EED: variants seen among roughly 807,000 people sequenced by gnomAD.
EED encodes the protein embryonic ectoderm development.
Under a neutral mutation model 61.0 loss-of-function variants are expected in EED, and 9 were observed. The ratio of observed to expected loss-of-function variants is 0.15; its 90% CI spans 0.09 to 0.26. The LOEUF (loss-of-function observed/expected upper bound fraction) is 0.26, where lower values mean the gene tolerates loss of function less well. Ranked by LOEUF, EED falls within the 10% of genes least tolerant of loss-of-function variation. The pLI is 1.00. For synonymous variants in EED, 187 were observed against 174.4 expected (o/e 1.07, Z -0.57); for missense variants, 315 against 542.3 (o/e 0.58, Z 4.16).
intron 6 of EED, among the ~76,000 whole-genome samples, chr11:86,260,519 G>GCAC (rs1945800867): frequency 6.6e-6 from 1 of 152,038 alleles, no homozygotes; most frequent in Non-Finnish European, 1.5e-5. Context: ...GTGAGCTACT[G>GCAC]CTGTACATTC....
At chr11:86,265,988 A>C in intron 7 of EED, 95 bp from the exon 8 acceptor site, 1 of 1,075,456 alleles carries the variant, frequency 9.3e-7, no homozygotes, top group Non-Finnish European at 1.3e-6. Flanking sequence ...TTGTGATTTG[A>C]AATACAGTTT....
chr11:86,264,239 G>A lies in EED; in HGVS notation c.702G>A (p.Gly234=), dbSNP rs1182179050. 2 of 1,613,858 alleles carry A rather than the reference G, an allele frequency of 1.2e-6. No homozygotes were observed. The highest frequency in any genetic ancestry group is 3.3e-5 in the Admixed American group (2 of 59,992). Residue 234 remains glycine, a synonymous_variant, in exon 7 of 12, where the codon GGG becomes GGA. Transcript: ENST00000263360. The part of the protein sequence containing the change: ...TLVAIFGGVE[G]HRDEVLSADY... ...TGGCAATATTTGGAGGCGTAGAAGG[G>A]CACAGAGATGAAGTTCTAAGTGCTG...
Position 86,278,403 on chromosome 11 carries a change from A to G in EED, c.1204A>G (p.Thr402Ala). Residue 402 changes from threonine to alanine, a missense_variant, in exon 12 of 12, where the codon ACA becomes GCA. Around this residue, in one of 2 missense-constraint regions of EED, gnomAD observed 205 missense variants for 455.4 expected, o/e 0.45. Coordinates refer to ENST00000263360, the MANE Select transcript of EED (RefSeq NM_003797.5). The part of the protein sequence containing the change: ...EVEDPHKAKC[T>A]TLTHHKCGAA... ...GTTGTCATGTTTTTTCCCTAGATGTACAACACTGACTCATCATAAATGTGG... is the reference window on the plus strand; with the variant it reads ...GTTGTCATGTTTTTTCCCTAGATGTGCAACACTGACTCATCATAAATGTGG... The G allele has an allele frequency of 6.2e-7, 1 of 1,612,916 alleles. No individual in the cohort carries two copies. Among genetic ancestry groups the G allele is most frequent in the Non-Finnish European group, 8.5e-7 (1 of 1,179,430 alleles).
At chr11:86,255,377 A>T (rs951888902) in intron 4 of EED, 90 bp downstream of exon 4, 2 of 1,048,684 alleles carry the variant, frequency 1.9e-6, no homozygotes, top group African/African-American at 3.2e-5. Flanking sequence ...TCATTTCCCT[A>T]AAGTTATTGT....
the EED span, among the ~76,000 whole-genome samples, chr11:86,285,173 A>C: frequency 6.6e-6 from 1 of 152,168 alleles, no homozygotes; most frequent in African/African-American, 2.4e-5. Context: ...TAATCGCAGC[A>C]CTTTGGGAGG....
intron 5 of EED, 69 bp from the exon 6 acceptor site, chr11:86,257,446 T>C: frequency 7.8e-7 from 1 of 1,278,302 alleles, no homozygotes; most frequent in Non-Finnish European, 1.1e-6. Context: ...TTACATTCTC[T>C]AAAGATTTAT....
At position 86,254,780 on chromosome 11, in the gene EED, G is replaced by A. The variant is rs182960442; in HGVS notation, c.361-442G>A. Among the ~76,000 whole-genome samples, 8 of 151,976 alleles carry A rather than the reference G, an allele frequency of 5.3e-5. No homozygotes were observed. In the East Asian group the frequency reaches 1.4e-3, roughly 26 times the overall value. On this transcript the variant is annotated intron_variant, in intron 3 of 11. Transcript: ENST00000263360. The stretch of plus-strand genomic sequence containing the variant: ...TGGGATTACGGGCATGTGCCACCAC[G>A]CTCAGCTAATTTTTGTATTTTTGGT...
At chr11:86,252,594 A>G (rs1945563497) in intron 3 of EED, among the ~76,000 whole-genome samples, 1 of 149,254 alleles carries the variant, frequency 6.7e-6, no homozygotes, top group Non-Finnish European at 1.5e-5. Context: ...ACTGGCTGTG[A>G]TTTTTTTAAA....
intron 2 of EED, among the ~76,000 whole-genome samples, chr11:86,251,898 G>A (rs193058580): frequency 2.6e-4 from 39 of 152,280 alleles, no homozygotes; most frequent in Admixed American, 6.5e-4. Flanking sequence ...TGTTTTCGTA[G>A]GTAAGCGGTT....
intron 4 of EED, among the ~76,000 whole-genome samples, chr11:86,255,500 A>C (rs7950820): frequency 0.35 from 53,597 of 152,076 alleles, 9,913 homozygotes; most frequent in Non-Finnish European, 0.41. Context: ...AAAGAAAAAG[A>C]AAAGAATCCA....
At position 86,250,452 on chromosome 11, in the gene EED, T is replaced by C. The variant is rs897446139; in HGVS notation, c.267+4T>C. On this transcript the variant is annotated splice_donor_region_variant and intron_variant, in intron 2 of 11. Transcript: ENST00000263360. ...CAAATGTGTAAATAGTCTCAAGGTATGTGCAAAAAAAGATCCTTTGGGCTG... is the reference window on the plus strand; with the variant it reads ...CAAATGTGTAAATAGTCTCAAGGTACGTGCAAAAAAAGATCCTTTGGGCTG... 7.0e-6 allele frequency: 11 copies of C among 1,569,382 alleles called. No homozygotes were observed. The highest frequency in any genetic ancestry group is 9.5e-6 in the Non-Finnish European group (11 of 1,160,774).
At chr11:86,287,458 T>G in the EED span, among the ~76,000 whole-genome samples, 1 of 152,244 alleles carries the variant, frequency 6.6e-6, no homozygotes, top group Non-Finnish European at 1.5e-5. Flanking sequence ...CAAGACTTCA[T>G]GTGAATGAAA....
intron 9 of EED, among the ~76,000 whole-genome samples, chr11:86,273,899 A>G (rs1245392116): frequency 2.0e-5 from 3 of 152,142 alleles, no homozygotes. Flanking sequence ...ATATGACTTG[A>G]TGTGGATTTC....
chr11:86,253,231 A>G (rs1161845517), intron 3 of EED, among the ~76,000 whole-genome samples: 1 of 152,206 alleles, frequency 6.6e-6, no homozygotes, highest in East Asian at 1.9e-4. Context: ...TAGTCTGCTT[A>G]TAGTTGTTTA....
At chr11:86,259,470 C>T (rs1945771130) in intron 6 of EED, among the ~76,000 whole-genome samples, 1 of 151,990 alleles carries the variant, frequency 6.6e-6, no homozygotes, top group South Asian at 2.1e-4. Context: ...TGCCGCCATA[C>T]CTGGCTAATT....
downstream of EED, among the ~76,000 whole-genome samples, chr11:86,279,717 G>C (rs965330161): frequency 2.0e-5 from 3 of 152,172 alleles, no homozygotes; most frequent in Non-Finnish European, 4.4e-5. Flanking sequence ...TACAGTGTTT[G>C]ATACTGCCCC....
chr11:86,257,444 T>G (rs769025415), intron 5 of EED, 71 bp from the exon 6 acceptor site: 93 of 1,243,044 alleles, frequency 7.5e-5, no homozygotes, highest in Non-Finnish European at 1.0e-4. Flanking sequence ...TTTTACATTC[T>G]CTAAAGATTT....
chr11:86,267,695 G>A (rs1946014612), intron 8 of EED, among the ~76,000 whole-genome samples: 1 of 151,702 alleles, frequency 6.6e-6, no homozygotes, highest in South Asian at 2.1e-4. Flanking sequence ...CTGCCTCGCA[G>A]GTTCAAGCGA....
At chr11:86,259,522 A>G (rs1219312767) in intron 6 of EED, among the ~76,000 whole-genome samples, 1 of 151,976 alleles carries the variant, frequency 6.6e-6, no homozygotes, top group Admixed American at 6.6e-5. Context: ...TCCCTGTGTT[A>G]CCTAGACTGG....
Sources: allele counts gnomAD v4.1 joint callset (sites outside exome capture counted in the v4.1 genomes callset), GRCh38; gene constraint gnomAD v4.1.1; regional missense constraint gnomAD v4.1.1; transcripts MANE v1.5; gene names NCBI Gene and HGNC (gene_info 2026-07-23, HGNC 2026-07-21).